CD8A: variants seen among roughly 807,000 people sequenced by gnomAD.
CD8A encodes CD8 subunit alpha.
In CD8A, 25 loss-of-function variants were observed where a neutral mutation model predicts 24.2. The ratio of observed to expected loss-of-function variants is 1.03; its 90% CI spans 0.75 to 1.44. The LOEUF is 1.44. Ranked by LOEUF, CD8A falls within the 40% of genes most tolerant of loss-of-function variation. The pLI, the probability that CD8A is intolerant of heterozygous loss-of-function variation, is 0.00. For missense variants in CD8A, 360 were observed against 319.7 expected, an observed-to-expected ratio of 1.13 and a Z score of -0.96; for synonymous variants, 165 against 149.9, an observed-to-expected ratio of 1.10 and a Z score of -0.74.
intron 4 of CD8A, 75 bp downstream of exon 4, chr2:86,789,248 G>C (rs375861725): frequency 1.0e-6 from 1 of 978,316 alleles, no homozygotes. Flanking sequence ...CCCCTCGCAA[G>C]GTCCGCCTGG....
rs765479313 is a variant in CD8A, at chr2:86,789,411, G to A, written c.537C>T (p.Phe179=). 2 of 1,613,718 alleles carry A rather than the reference G, an allele frequency of 1.2e-6. No homozygotes were observed. Among genetic ancestry groups the A allele is most frequent in the African/African-American group, 1.3e-5 (1 of 74,926 alleles). ...GGAVHTRGLD[F]ACDIYIWAPL... ...GCGCCCAGATGTAGATATCACAGGC[G>A]AAGTCCAGCCCCCTCGTGTGCACTG... The change falls in exon 4 of 6, where the codon TTC becomes TTT. Residue 179 remains phenylalanine (F), a synonymous_variant. Coordinates refer to ENST00000283635, the MANE Select transcript of CD8A (RefSeq NM_001768.7).
intron 3 of CD8A, 89 bp from the exon 4 acceptor site, chr2:86,789,522 T>A: frequency 7.4e-7 from 1 of 1,350,918 alleles, no homozygotes; most frequent in Non-Finnish European, 1.1e-6. Context: ...CCGCCTCAGA[T>A]CTCGGTTTCC....
upstream of CD8A, among the ~76,000 whole-genome samples, chr2:86,795,473 G>T (rs2104450040): frequency 6.6e-6 from 1 of 152,278 alleles, no homozygotes; most frequent in African/African-American, 2.4e-5. Flanking sequence ...AGAAGAGGAG[G>T]AAGGGGAGAA....
At chr2:86,787,979 T>C (rs1312608772) in intron 5 of CD8A, among the ~76,000 whole-genome samples, 9 of 151,546 alleles carry the variant, frequency 5.9e-5, no homozygotes, top group Non-Finnish European at 1.3e-4. Context: ...AGATAGCCAA[T>C]TGTCCCTGCA....
At position 86,785,352 on chromosome 2, in the gene CD8A, C is replaced by T; in HGVS notation, c.*568G>A. Reference sequence around the variant, plus strand: ...GTTCTCTTCTTTAATTCATTACCTCCTCGAGGCTCTGGGCACAGTATCCCA... The same window carrying T: ...GTTCTCTTCTTTAATTCATTACCTCTTCGAGGCTCTGGGCACAGTATCCCA... On this transcript the variant is annotated 3_prime_UTR_variant, in exon 6 of 6. Transcript: ENST00000283635. 4.4e-6 allele frequency: 2 copies of T among 454,126 alleles called. No homozygotes were observed. Among genetic ancestry groups the T allele is most frequent in the South Asian group, 3.1e-5 (2 of 64,474 alleles). The allele number at this position is 454,126 out of a possible 1,614,324, so 28.1% of individuals were successfully genotyped here.
chr2:86,789,303 C>G lies in CD8A; in HGVS notation c.625+20G>C. On this transcript the variant is annotated intron_variant, in intron 4 of 5. Transcript: ENST00000283635. The stretch of plus-strand genomic sequence containing the variant: ...AGGAGCGGGGCCGACTCCTTCCCGC[C>G]GCGATTCCTCGGGACTTACTGTGGT... 1 of 1,506,818 alleles carries G rather than the reference C, an allele frequency of 6.6e-7. No individual in the cohort carries two copies. Among genetic ancestry groups the G allele is most frequent in the Non-Finnish European group, 9.2e-7 (1 of 1,081,808 alleles). 93.3% of individuals were successfully genotyped at this position (1,506,818 alleles called of 1,614,324 possible).
At chr2:86,791,670 G>A, upstream of CD8A, 1 of 454,142 alleles carries the variant, frequency 2.2e-6, no homozygotes, top group Non-Finnish European at 4.4e-6. Context: ...TGCATTGCTG[G>A]ATGGAAATTC....
At chr2:86,791,053 G>C (rs918087813), upstream of CD8A, 2 of 702,662 alleles carry the variant, frequency 2.8e-6, no homozygotes, top group Non-Finnish European at 5.2e-6. Context: ...CGTGAATAGG[G>C]CCGTCGAGGC....
Position 86,790,441 on chromosome 2 carries a change from G to T in CD8A, c.290C>A (p.Thr97Asn), listed in dbSNP as rs1472696905. 4 of 1,614,168 alleles carry T rather than the reference G, an allele frequency of 2.5e-6. No individual in the cohort carries two copies. Among genetic ancestry groups the T allele is most frequent in the Non-Finnish European group, 3.4e-6 (4 of 1,180,010 alleles). The change falls in exon 2 of 6, where the codon ACC becomes AAC. Residue 97 changes from threonine (T) to asparagine (N), a missense_variant. Coordinates refer to ENST00000283635, the MANE Select transcript of CD8A (RefSeq NM_001768.7). ...QRFSGKRLGD[T>N]FVLTLSDFRR... ...GAAGTCGCTCAGGGTGAGGACGAAG[G>T]TGTCCCCCAACCTCTTGCCCGAGAA...
At chr2:86,789,267 G>T in intron 4 of CD8A, 56 bp downstream of exon 4, 2 of 1,167,680 alleles carry the variant, frequency 1.7e-6, no homozygotes, top group Non-Finnish European at 2.6e-6. Context: ...GGAGCTAGCA[G>T]AGCCAAGGGC....
chr2:86,789,962 G>A (rs535603530), intron 2 of CD8A, among the ~76,000 whole-genome samples: 2 of 152,058 alleles, frequency 1.3e-5, no homozygotes, highest in South Asian at 4.1e-4. Context: ...CCCAGAGCCG[G>A]AGCGCAGGAG....
At chr2:86,801,936 G>A (rs548861169) in intron 2 of CD8A, among the ~76,000 whole-genome samples, 75 of 152,208 alleles carry the variant, frequency 4.9e-4, no homozygotes, top group Admixed American at 1.2e-3. Context: ...GTTTTAAAAA[G>A]CTTTTTTTGA....
At chr2:86,786,758 C>T (rs552640923) in intron 5 of CD8A, among the ~76,000 whole-genome samples, 3 of 152,222 alleles carry the variant, frequency 2.0e-5, no homozygotes, top group Non-Finnish European at 4.4e-5. Context: ...CGGTAGCTCA[C>T]GCCTATAATC....
At chr2:86,805,999 A>G (rs1215870778) in intron 2 of CD8A, among the ~76,000 whole-genome samples, 1 of 151,714 alleles carries the variant, frequency 6.6e-6, no homozygotes, top group East Asian at 1.9e-4. Context: ...GTATGTGACA[A>G]TTTGTTATCT....
At chr2:86,790,974 C>A, upstream of CD8A, 1 of 819,290 alleles carries the variant, frequency 1.2e-6, no homozygotes, top group South Asian at 1.4e-5. Flanking sequence ...TCACCCGAAG[C>A]CCCCGCCGAG....
chr2:86,796,135 A>C (rs1309881954), intron 3 of CD8A, among the ~76,000 whole-genome samples: 1 of 152,242 alleles, frequency 6.6e-6, no homozygotes, highest in Admixed American at 6.5e-5. Flanking sequence ...AGGGATAATT[A>C]ATGAATTGGA....
chr2:86,790,650 C>T lies in CD8A; in HGVS notation c.81G>A (p.Ser27=). Residue 27 remains serine (S), a synonymous_variant, in exon 2 of 6, where the codon TCG becomes TCA. Coordinates refer to ENST00000283635, the MANE Select transcript of CD8A (RefSeq NM_001768.7). ...CCAGGTTCCAGGTCCGATCCAGCGG[C>T]GACACCCGGAACTGGCTCGGCCTGG... is the stretch of plus-strand genomic sequence containing the variant. ...HAARPSQFRV[S]PLDRTWNLGE... is the part of the protein sequence containing the mutation. 1 of 1,601,302 alleles carries T rather than the reference C, an allele frequency of 6.2e-7. No individual in the cohort carries two copies. Among genetic ancestry groups the T allele is most frequent in the Non-Finnish European group, 8.5e-7 (1 of 1,178,894 alleles).
chr2:86,785,653 G>T lies in CD8A; in HGVS notation c.*267C>A. ...CAGCATGATTCTGAGAACTCTGCGG[G>T]TAGCTCTGGCCTGCCCCTTTCCACG... is the stretch of plus-strand genomic sequence containing the variant. On this transcript the variant is annotated 3_prime_UTR_variant, in exon 6 of 6. Transcript: ENST00000283635. 1 of 658,156 alleles carries T rather than the reference G, an allele frequency of 1.5e-6. No individual in the cohort carries two copies. The highest frequency in any genetic ancestry group is 2.8e-6 in the Non-Finnish European group (1 of 357,510). The allele number at this position is 658,156 out of a possible 1,614,324, so 40.8% of individuals were successfully genotyped here.
intron 2 of CD8A, among the ~76,000 whole-genome samples, chr2:86,806,268 G>A (rs1011290148): frequency 2.6e-5 from 4 of 152,206 alleles, no homozygotes; most frequent in African/African-American, 9.6e-5. Context: ...GAAGGCGTCT[G>A]TTTCCACCCA....
Sources: allele counts gnomAD v4.1 joint callset (sites outside exome capture counted in the v4.1 genomes callset), GRCh38; gene constraint gnomAD v4.1.1; transcripts MANE v1.5; gene names NCBI Gene and HGNC (gene_info 2026-07-23, HGNC 2026-07-21).